EXTL3: variants seen among roughly 807,000 people sequenced by gnomAD.
The protein encoded by EXTL3 is exostosin like glycosyltransferase 3.
A neutral mutation model predicts 69.3 loss-of-function variants in EXTL3; 27 were observed. The ratio of observed to expected loss-of-function variants is 0.39; its 90% confidence interval spans 0.29 to 0.54. EXTL3 has a LOEUF of 0.54. Among genes scored for constraint, EXTL3 ranks in the 20% least tolerant of loss-of-function variants. The pLI, the probability that EXTL3 is intolerant of heterozygous loss-of-function variation, is 0.69. For synonymous variants in EXTL3, 511 were observed against 499.4 expected, an observed-to-expected ratio of 1.02 and a Z score of -0.31; for missense variants, 1,003 against 1,231.8, an observed-to-expected ratio of 0.81 and a Z score of 2.78.
intron 6 of EXTL3, among the ~76,000 whole-genome samples, chr8:28,747,792 G>T: frequency 6.9e-6 from 1 of 144,286 alleles, no homozygotes; most frequent in Non-Finnish European, 1.5e-5. Context: ...GCAGTGGCAC[G>T]ATCTCAGGTC....
chr8:28,709,481 CT>C (rs1800989112), intron 1 of EXTL3, among the ~76,000 whole-genome samples: 1 of 152,044 alleles, frequency 6.6e-6, no homozygotes, highest in Non-Finnish European at 1.5e-5. Flanking sequence ...CAGTGACTCC[CT>C]TCTTCCCTGT....
chr8:28,671,309 G>GTTTTTTTTTTTTTTTTTTTT (rs749395423), intron 1 of EXTL3, among the ~76,000 whole-genome samples: 1 of 89,602 alleles, frequency 1.1e-5, no homozygotes, highest in Non-Finnish European at 2.3e-5. Flanking sequence ...TTTGTTTTTT[G>GTTTTTTTTTTTTTTTTTTTT]TTTTTTTTTT....
At chr8:28,652,256 A>C (rs1286502484) in intron 1 of EXTL3, among the ~76,000 whole-genome samples, 2 of 152,118 alleles carry the variant, frequency 1.3e-5, no homozygotes, top group Non-Finnish European at 2.9e-5. Flanking sequence ...CTTCTTGAGG[A>C]ACTGCCAAGC....
intron 4 of EXTL3, among the ~76,000 whole-genome samples, chr8:28,734,424 A>G (rs1236835737): frequency 1.3e-5 from 2 of 152,190 alleles, no homozygotes; most frequent in South Asian, 2.1e-4. Context: ...TTTGAAAACC[A>G]CTGGAGGCCG....
chr8:28,747,346 AC>A, intron 6 of EXTL3, among the ~76,000 whole-genome samples: 1 of 152,134 alleles, frequency 6.6e-6, no homozygotes, highest in South Asian at 2.1e-4. Flanking sequence ...CTGGAGGGGG[AC>A]CTGTGGAGGT....
chr8:28,637,402 G>T (rs2130575738), intron 1 of EXTL3: 1 of 152,420 alleles, frequency 6.6e-6, no homozygotes, highest in East Asian at 1.9e-4. Flanking sequence ...CTGTCAGACA[G>T]TTCCTGCTGC....
upstream of EXTL3, among the ~76,000 whole-genome samples, chr8:28,619,315 A>G (rs111752359): frequency 7.9e-6 from 1 of 126,470 alleles, no homozygotes; most frequent in Non-Finnish European, 1.6e-5. Flanking sequence ...AAAAAAAAAA[A>G]CCCTGTGTGA....
At chr8:28,622,844 T>C (rs186900112) in intron 1 of EXTL3, 58 of 151,692 alleles carry the variant, frequency 3.8e-4, no homozygotes, top group Admixed American at 3.1e-3. Flanking sequence ...CTTTCGGGGG[T>C]GGGAAGTCTT....
chr8:28,676,152 G>A (rs759069800), intron 1 of EXTL3, among the ~76,000 whole-genome samples: 2 of 152,164 alleles, frequency 1.3e-5, no homozygotes, highest in Non-Finnish European at 2.9e-5. Context: ...GTTTAATGTG[G>A]AGGAAGGGAT....
intron 1 of EXTL3, chr8:28,710,459 A>G: frequency 2.2e-6 from 1 of 456,342 alleles, no homozygotes; most frequent in Non-Finnish European, 4.4e-6. Context: ...TGAGGTGCAC[A>G]GCATGGGTGA....
At chr8:28,725,555 G>C (rs1444935762) in intron 3 of EXTL3, among the ~76,000 whole-genome samples, 1 of 152,110 alleles carries the variant, frequency 6.6e-6, no homozygotes, top group Non-Finnish European at 1.5e-5. Context: ...TAGAATGGCA[G>C]GGCTAAATTA....
In EXTL3 at chr8:28,633,115, G is replaced by A. The variant is rs376106861; in HGVS notation, c.-53+10305G>A. ...GTGCTTTGAGAGGCTGAGGCAGGAG[G>A]ATCACTTGAGGCCAGGATTTCAAGA... On this transcript the variant is annotated intron_variant, in intron 1 of 6. Coordinates refer to the EXTL3 transcript ENST00000523149. Among the ~76,000 whole-genome samples, 24 of 152,208 alleles carry A rather than the reference G, an allele frequency of 1.6e-4. 1 individual carries two copies. The East Asian group carries it at 3.9e-3, about 25-fold the overall frequency.
At chr8:28,608,091 C>T (rs890483794) in intron 2 of EXTL3, among the ~76,000 whole-genome samples, 2 of 146,814 alleles carry the variant, frequency 1.4e-5, no homozygotes, top group African/African-American at 5.1e-5. Flanking sequence ...GCCTGGGCGA[C>T]AGAGCGAGAC....
chr8:28,619,845 C>CCT (rs1806385894), upstream of EXTL3, among the ~76,000 whole-genome samples: 1 of 50,800 alleles, frequency 2.0e-5, no homozygotes, highest in Non-Finnish European at 3.8e-5. Context: ...GCTTCTGGTT[C>CCT]TTTTTTTTTT....
At chr8:28,691,984 G>A (rs536230337) in intron 1 of EXTL3, among the ~76,000 whole-genome samples, 12 of 152,062 alleles carry the variant, frequency 7.9e-5, no homozygotes, top group Non-Finnish European at 1.8e-4. Flanking sequence ...AAATGTACAC[G>A]AAAGTAAGAC....
At chr8:28,756,105 C>T (rs529652285), downstream of EXTL3, among the ~76,000 whole-genome samples, 5 of 152,252 alleles carry the variant, frequency 3.3e-5, no homozygotes, top group African/African-American at 9.6e-5. Flanking sequence ...TTATTTTAAA[C>T]GTGCACACTG....
intron 2 of EXTL3, among the ~76,000 whole-genome samples, chr8:28,714,999 A>C (rs1801109587): frequency 1.3e-5 from 2 of 152,260 alleles, no homozygotes; most frequent in Non-Finnish European, 2.9e-5. Flanking sequence ...GATGTCTGCT[A>C]ATGGAAGATA....
In EXTL3 at chr8:28,717,318, A is replaced by T. The variant is rs1801179141; in HGVS notation, c.1259A>T (p.Asp420Val). 2 of 1,614,032 alleles carry T rather than the reference A, an allele frequency of 1.2e-6. No individual in the cohort carries two copies. Among genetic ancestry groups the T allele is most frequent in the Non-Finnish European group, 1.7e-6 (2 of 1,180,030 alleles). The stretch of plus-strand genomic sequence containing the variant: ...TGGGCACTGTGTGGAGAGCGGGAGG[A>T]CCGCTTGGAATTGCTGAAGCTCTCC... ...TEWALCGERE[D>V]RLELLKLSTF... The change falls in exon 3 of 7, where the codon GAC becomes GTC. Residue 420 changes from aspartate to valine, a missense_variant. Around this residue, in one of 2 missense-constraint regions of EXTL3, gnomAD observed 742 missense variants for 815.4 expected, o/e 0.91. Transcript: ENST00000220562. This position sits in a 1 kb window ranked among gnomAD's most constrained non-coding sequence, Gnocchi z 8.3.
At chr8:28,729,857 A>T (rs532640635) in intron 3 of EXTL3, among the ~76,000 whole-genome samples, 19 of 146,854 alleles carry the variant, frequency 1.3e-4, no homozygotes, top group East Asian at 6.0e-4. Flanking sequence ...TTTTTTTTTT[A>T]AAGTTATGAA....
Sources: allele counts gnomAD v4.1 joint callset (sites outside exome capture counted in the v4.1 genomes callset), GRCh38; gene constraint gnomAD v4.1.1; regional missense constraint gnomAD v4.1.1; non-coding constraint Gnocchi (gnomAD v3.1); transcripts MANE v1.5; gene names NCBI Gene and HGNC (gene_info 2026-07-23, HGNC 2026-07-21).